Variants in SCD5 observed in about 807,000 individuals in gnomAD.
SCD5 encodes the protein acyl-CoA-desaturase 4.
A neutral mutation model predicts 30.4 loss-of-function variants in SCD5; 20 were observed. The ratio of observed to expected loss-of-function variants is 0.66; its 90% CI spans 0.46 to 0.96. The LOEUF (loss-of-function observed/expected upper bound fraction) is 0.96. Ranked by LOEUF, SCD5 falls within the 40% of genes least tolerant of loss-of-function variation. SCD5 has a pLI of 0.00. For missense variants in SCD5, 381 were observed against 443.3 expected, an observed-to-expected ratio of 0.86 and a Z score of 1.26; for synonymous variants, 173 against 176.4, an observed-to-expected ratio of 0.98 and a Z score of 0.16.
chr4:82,642,733 T>C (rs1237726176), intron 3 of SCD5, among the ~76,000 whole-genome samples: 3 of 152,206 alleles, frequency 2.0e-5, no homozygotes, highest in African/African-American at 2.4e-5. Context: ...TTAGAATAAA[T>C]TGGGGAACAT....
intron 1 of SCD5, among the ~76,000 whole-genome samples, chr4:82,734,201 A>T (rs990437453): frequency 3.9e-5 from 6 of 152,220 alleles, no homozygotes; most frequent in Non-Finnish European, 7.3e-5. Context: ...CACTGGCTTG[A>T]TGAAGGAGGC....
intron 1 of SCD5, among the ~76,000 whole-genome samples, chr4:82,761,581 T>C (rs1167800323): frequency 6.6e-6 from 1 of 151,988 alleles, no homozygotes; most frequent in Non-Finnish European, 1.5e-5. Flanking sequence ...CGTTTCTTTT[T>C]TTTTTATTAT....
At chr4:82,796,227 A>G (rs892020013) in intron 1 of SCD5, among the ~76,000 whole-genome samples, 17 of 151,096 alleles carry the variant, frequency 1.1e-4, no homozygotes, top group Admixed American at 2.6e-4. Context: ...CCGAGATCGC[A>G]CCACTGCACT....
At chr4:82,729,555 A>G (rs1422352292) in intron 1 of SCD5, among the ~76,000 whole-genome samples, 1 of 152,132 alleles carries the variant, frequency 6.6e-6, no homozygotes, top group Admixed American at 6.5e-5. Context: ...AATAGTAAAT[A>G]TTTTTTGAAT....
chr4:82,727,200 T>C (rs1309354250), intron 1 of SCD5, among the ~76,000 whole-genome samples: 1 of 152,126 alleles, frequency 6.6e-6, no homozygotes, highest in Non-Finnish European at 1.5e-5. Context: ...TGTAAGGGGA[T>C]TCGGGTGTAA....
intron 3 of SCD5, among the ~76,000 whole-genome samples, chr4:82,664,993 C>CTATATATATA (rs1247846017): frequency 4.6e-5 from 4 of 86,940 alleles, no homozygotes; most frequent in African/African-American, 1.1e-4. Flanking sequence ...CTCTCTCTCT[C>CTATATATATA]TCTCTCTATA....
intron 2 of SCD5, among the ~76,000 whole-genome samples, chr4:82,692,940 G>C (rs570733925): frequency 4.1e-4 from 63 of 152,270 alleles, no homozygotes; most frequent in African/African-American, 1.3e-3. Flanking sequence ...ACGAGCCAGG[G>C]GGACCCAGGC....
intron 1 of SCD5, among the ~76,000 whole-genome samples, chr4:82,722,076 T>C (rs1451134784): frequency 6.6e-6 from 1 of 152,242 alleles, no homozygotes; most frequent in African/African-American, 2.4e-5. Context: ...GCAGTGTTTA[T>C]TTATTACTAT....
rs917574869 is a variant in SCD5, at chr4:82,746,971, G to A, written c.233-41558C>T. Among the ~76,000 whole-genome samples, 12 of 144,576 alleles carry A rather than the reference G, an allele frequency of 8.3e-5. No homozygotes were observed. In the South Asian group the frequency reaches 1.1e-3, roughly 14 times the overall value. The allele number at this position is 144,576 out of a possible 152,430, so 94.8% of individuals were successfully genotyped here. A position where few individuals can be genotyped will look rare whatever the true frequency, so the allele number is the denominator to read the frequency against. ...ACACAAGGGCGTCAGGGGGAGAGGA[G>A]GAACGGGGAACACACCCACAGACCA... On this transcript the variant is annotated intron_variant, in intron 1 of 4. Coordinates refer to ENST00000319540, the MANE Select transcript of SCD5 (RefSeq NM_001037582.3).
intron 1 of SCD5, among the ~76,000 whole-genome samples, chr4:82,767,844 G>C (rs937275157): frequency 6.6e-6 from 1 of 152,126 alleles, no homozygotes; most frequent in Non-Finnish European, 1.5e-5. Flanking sequence ...ATGACACTTT[G>C]ATCAGGCTGA....
chr4:82,653,209 A>G (rs1727792540), intron 3 of SCD5, among the ~76,000 whole-genome samples: 1 of 152,160 alleles, frequency 6.6e-6, no homozygotes, highest in Non-Finnish European at 1.5e-5. Context: ...CTTCTAATAC[A>G]ACTGTAACCA....
chr4:82,672,159 A>C (rs1728340774), intron 3 of SCD5, among the ~76,000 whole-genome samples: 1 of 152,172 alleles, frequency 6.6e-6, no homozygotes, highest in Non-Finnish European at 1.5e-5. Flanking sequence ...AAAGAAGAGC[A>C]AATTAAATCC....
At chr4:82,664,999 C>CTCTCTCTCTATATA (rs1219554314) in intron 3 of SCD5, among the ~76,000 whole-genome samples, 39 of 70,470 alleles carry the variant, frequency 5.5e-4, no homozygotes, top group African/African-American at 1.3e-3. Flanking sequence ...CTCTCTCTCT[C>CTCTCTCTCTATATA]TATATATATA....
chr4:82,680,964 T>C (rs1356178453), intron 2 of SCD5, 52 bp from the exon 3 acceptor site: 1 of 1,548,812 alleles, frequency 6.5e-7, no homozygotes, highest in Admixed American at 1.7e-5. Context: ...CCGCCGAGCA[T>C]CCTCCTGGGA....
intron 3 of SCD5, among the ~76,000 whole-genome samples, chr4:82,642,431 T>C (rs984068228): frequency 1.3e-5 from 2 of 152,180 alleles, no homozygotes; most frequent in Non-Finnish European, 2.9e-5. Flanking sequence ...CCCTCAGGAT[T>C]TGAAGTGGAT....
At chr4:82,767,550 A>G (rs941047088) in intron 1 of SCD5, among the ~76,000 whole-genome samples, 7 of 151,982 alleles carry the variant, frequency 4.6e-5, no homozygotes, top group Admixed American at 1.3e-4. Flanking sequence ...TCTTTCACAT[A>G]TTTTGTCTAG....
chr4:82,687,215 G>C (rs1252043733), intron 2 of SCD5, among the ~76,000 whole-genome samples: 1 of 143,700 alleles, frequency 7.0e-6, no homozygotes, highest in Non-Finnish European at 1.5e-5. Flanking sequence ...AAGAAAGAAA[G>C]AAAGAAGAAA....
At chr4:82,645,325 A>AAG (rs1193230243) in intron 3 of SCD5, among the ~76,000 whole-genome samples, 1 of 151,396 alleles carries the variant, frequency 6.6e-6, no homozygotes, top group Non-Finnish European at 1.5e-5. Context: ...AAAAAAAAAA[A>AAG]AGGCAAAAGA....
intron 3 of SCD5, chr4:82,661,118 GT>G: frequency 6.3e-7 from 1 of 1,588,112 alleles, no homozygotes; most frequent in Non-Finnish European, 8.6e-7. Flanking sequence ...TTCCACCCAG[GT>G]TTGTTCAGCA....
Sources: gnomAD v4.1 joint callset for allele counts (sites outside exome capture counted in the v4.1 genomes callset) on GRCh38, gnomAD v4.1.1 for gene constraint, MANE v1.5 for transcripts, NCBI Gene and HGNC (gene_info 2026-07-23, HGNC 2026-07-21) for gene names.